The following SYTL2 variants were observed in gnomAD, a reference collection of about 807,000 sequenced individuals.
SYTL2 encodes the protein synaptotagmin like 2, also known as synaptotagmin-like protein 2.
In SYTL2, 165 loss-of-function variants were observed where a neutral mutation model predicts 198.7. That is an observed-to-expected ratio of 0.83 (90% CI 0.73 to 0.94). The LOEUF (loss-of-function observed/expected upper bound fraction) is 0.94, where lower values mean the gene tolerates loss of function less well. Among genes scored for constraint, SYTL2 ranks in the 40% least tolerant of loss-of-function variants. The pLI, the probability that SYTL2 is intolerant of heterozygous loss-of-function variation, is 0.00. For missense variants in SYTL2, 2,835 were observed against 2,582.8 expected (o/e 1.10, Z -2.12); for synonymous variants, 966 against 917.7 (o/e 1.05, Z -0.95).
Position 85,726,536 on chromosome 11 carries a change from C to T in SYTL2, c.2822G>A (p.Arg941Gln), listed in dbSNP as rs556700703. ...TCTGTCTTTCTCCAATGGAGCATGT[C>T]GTTCACTCCCGACATTTGAGGGAGG... is the stretch of plus-strand genomic sequence containing the variant. ...LQPPSNVGSE[R>Q]HAPLEKDRPL... is the part of the protein sequence containing the mutation. The change falls in exon 8 of 20, where the codon CGA (arginine) becomes CAA (glutamine). Residue 941 changes from arginine to glutamine, a missense_variant. Around this residue, in one of 3 missense-constraint regions of SYTL2, gnomAD observed 2,645 missense variants for 2,381.7 expected, o/e 1.11. Coordinates refer to ENST00000359152, the MANE Select transcript of SYTL2 (RefSeq NM_206927.4). 4.1e-5 allele frequency: 66 copies of T among 1,601,118 alleles called. No individual in the cohort carries two copies. The African/African-American group carries it at 6.4e-4, about 16-fold the overall frequency.
the SYTL2 span, among the ~76,000 whole-genome samples, chr11:85,851,646 A>G: frequency 6.6e-6 from 1 of 152,244 alleles, no homozygotes; most frequent in Non-Finnish European, 1.5e-5. Flanking sequence ...GGTAAACACT[A>G]TAAGAAAAAC....
intron 2 of SYTL2, among the ~76,000 whole-genome samples, chr11:85,752,760 G>A (rs1037058361): frequency 7.9e-5 from 12 of 151,620 alleles, no homozygotes; most frequent in Admixed American, 1.3e-4. Flanking sequence ...TCTGTTAAGT[G>A]GATTCAGCTA....
At chr11:85,843,211 T>C in the SYTL2 span, among the ~76,000 whole-genome samples, 1 of 151,774 alleles carries the variant, frequency 6.6e-6, no homozygotes, top group South Asian at 2.1e-4. Flanking sequence ...CTGTCTGTAA[T>C]AAAAACACAA....
At chr11:85,723,104 TCTC>T (rs1186710685) in intron 8 of SYTL2, among the ~76,000 whole-genome samples, 1 of 152,238 alleles carries the variant, frequency 6.6e-6, no homozygotes, top group Non-Finnish European at 1.5e-5. Context: ...TCAGGTAGCT[TCTC>T]ATTCCTATTT....
chr11:85,808,671 G>GA (rs1013994526), intron 1 of SYTL2, among the ~76,000 whole-genome samples: 1 of 151,878 alleles, frequency 6.6e-6, no homozygotes, highest in Non-Finnish European at 1.5e-5. Flanking sequence ...ATATTTTGAA[G>GA]AAAAAACTTT....
chr11:85,817,541 T>A, the SYTL2 span, among the ~76,000 whole-genome samples: 3,058 of 152,362 alleles, frequency 0.02, 56 homozygotes, highest in South Asian at 0.064. Context: ...GCTACTGGAA[T>A]ATTTTAAATT....
intron 1 of SYTL2, among the ~76,000 whole-genome samples, chr11:85,762,650 C>A (rs113159763): frequency 4.6e-5 from 7 of 152,322 alleles, no homozygotes; most frequent in African/African-American, 1.7e-4. Flanking sequence ...CAGGCTTTTG[C>A]ATGTGCTGTT....
chr11:85,792,543 A>G (rs1183419544), intron 1 of SYTL2, among the ~76,000 whole-genome samples: 1 of 152,092 alleles, frequency 6.6e-6, no homozygotes. Flanking sequence ...GTAAGTAAAA[A>G]TAATTCCACA....
chr11:85,787,436 T>C (rs1382774367), intron 1 of SYTL2, among the ~76,000 whole-genome samples: 1 of 152,168 alleles, frequency 6.6e-6, no homozygotes, highest in Non-Finnish European at 1.5e-5. Flanking sequence ...GTAACCAGTG[T>C]TGTATTCATG....
At chr11:85,711,307 G>A in intron 12 of SYTL2, 75 bp from the exon 13 acceptor site, 2 of 1,519,286 alleles carry the variant, frequency 1.3e-6, no homozygotes, top group Non-Finnish European at 1.8e-6. Context: ...TTTAGGCAAA[G>A]ATGAGATTTT....
intron 1 of SYTL2, among the ~76,000 whole-genome samples, chr11:85,778,613 T>C (rs2092501158): frequency 6.6e-6 from 1 of 152,256 alleles, no homozygotes; most frequent in Non-Finnish European, 1.5e-5. Flanking sequence ...AGACTTATCC[T>C]TGAGCAAGTG....
At chr11:85,712,483 G>A (rs1159691701) in intron 12 of SYTL2, among the ~76,000 whole-genome samples, 1 of 152,086 alleles carries the variant, frequency 6.6e-6, no homozygotes, top group Admixed American at 6.6e-5. Flanking sequence ...GAACAGATGA[G>A]CAAGGCCTGA....
chr11:85,820,634 C>A, the SYTL2 span, among the ~76,000 whole-genome samples: 3 of 152,152 alleles, frequency 2.0e-5, no homozygotes, highest in African/African-American at 7.2e-5. Flanking sequence ...AGCCATTAAA[C>A]TAGGAAAAAT....
At chr11:85,845,131 T>C in the SYTL2 span, among the ~76,000 whole-genome samples, 5 of 152,322 alleles carry the variant, frequency 3.3e-5, no homozygotes, top group African/African-American at 1.2e-4. Context: ...CTCTGGAAAA[T>C]TTTCCCTGAC....
chr11:85,729,704 T>C (rs1352381391), intron 7 of SYTL2, among the ~76,000 whole-genome samples: 1 of 151,792 alleles, frequency 6.6e-6, no homozygotes, highest in East Asian at 1.9e-4. Context: ...AGCAAACAAA[T>C]TCAAAAGCTA....
At chr11:85,853,345 T>A in the SYTL2 span, 17 of 445,084 alleles carry the variant, frequency 3.8e-5, no homozygotes, top group Middle Eastern at 7.0e-4. Context: ...GGGATGCTGT[T>A]GATCTATGAC....
At chr11:85,781,741 G>T (rs934335926) in intron 1 of SYTL2, among the ~76,000 whole-genome samples, 9 of 152,218 alleles carry the variant, frequency 5.9e-5, no homozygotes, top group African/African-American at 1.7e-4. Context: ...CAGTAGGGCA[G>T]TCAAATCTTA....
the SYTL2 span, among the ~76,000 whole-genome samples, chr11:85,849,465 G>A: frequency 1.3e-5 from 2 of 152,170 alleles, no homozygotes; most frequent in South Asian, 4.1e-4. Flanking sequence ...ATTGATTTTT[G>A]TATAAGGTGT....
chr11:85,758,003 C>T lies in SYTL2; in HGVS notation c.-278G>A. 2.8e-6 allele frequency: 1 copy of T among 357,358 alleles called. No homozygotes were observed. The highest frequency in any genetic ancestry group is 5.3e-6 in the Non-Finnish European group (1 of 187,274). 22.1% of individuals were successfully genotyped at this position (357,358 alleles called of 1,614,324 possible). On this transcript the variant is annotated 5_prime_UTR_variant, in exon 2 of 20. Coordinates refer to ENST00000359152, the MANE Select transcript of SYTL2 (RefSeq NM_206927.4). Reference sequence around the variant, plus strand: ...TCCTTGCCAAACAGGTCGCTTGTTCCTATGGTGGCTTCCAGCACACTCACT... The same window carrying T: ...TCCTTGCCAAACAGGTCGCTTGTTCTTATGGTGGCTTCCAGCACACTCACT...
Sources: gnomAD v4.1 joint callset for allele counts (sites outside exome capture counted in the v4.1 genomes callset) on GRCh38, gnomAD v4.1.1 for gene constraint, gnomAD v4.1.1 regional missense constraint, MANE v1.5 for transcripts, NCBI Gene and HGNC (gene_info 2026-07-23, HGNC 2026-07-21) for gene names.